HS2ST1: variants seen among roughly 807,000 people sequenced by gnomAD.
HS2ST1 encodes 2-O-sulfotransferase.
In HS2ST1, 18 loss-of-function variants were observed where a neutral mutation model predicts 42.9. The ratio of observed to expected loss-of-function variants is 0.42; its 90% CI spans 0.29 to 0.62. The LOEUF is 0.62. Ranked by LOEUF, HS2ST1 falls within the 20% of genes least tolerant of loss-of-function variation. HS2ST1 has a pLI of 0.21. For missense variants in HS2ST1, 334 were observed against 433.8 expected (o/e 0.77, Z 2.04); for synonymous variants, 146 against 152.9 (o/e 0.95, Z 0.33).
At chr1:86,985,819 G>GA (rs1247049040) in intron 1 of HS2ST1, among the ~76,000 whole-genome samples, 2 of 151,936 alleles carry the variant, frequency 1.3e-5, no homozygotes, top group Non-Finnish European at 2.9e-5. Context: ...CCCCCTTACT[G>GA]TACCTTAATT....
chr1:87,001,260 AAC>A (rs1311263548), intron 1 of HS2ST1, among the ~76,000 whole-genome samples: 1 of 152,146 alleles, frequency 6.6e-6, no homozygotes, highest in Non-Finnish European at 1.5e-5. Flanking sequence ...TATCTTTTTG[AAC>A]CAAGTTCCTA....
Position 87,107,865 on chromosome 1 carries a change from G to T in HS2ST1, c.*3169G>T, listed in dbSNP as rs182580027. On this transcript the variant is annotated 3_prime_UTR_variant, in exon 7 of 7. Coordinates refer to ENST00000370550, the MANE Select transcript of HS2ST1 (RefSeq NM_012262.4). ...TAGCAACACTTAAGATATTGCATGG[G>T]GATTACTTTCCTATCATCCATATGC... 1.3e-4 allele frequency: 19 copies of T among 151,806 alleles called. No homozygotes were observed. Among genetic ancestry groups the T allele is most frequent in the Non-Finnish European group, 2.7e-4 (18 of 67,884 alleles). The allele number at this position is 151,806 out of a possible 1,614,324, so 9.4% of individuals were successfully genotyped here. A position where few individuals can be genotyped will look rare whatever the true frequency, so the allele number is the denominator to read the frequency against.
chr1:86,965,233 T>A (rs879367199), intron 1 of HS2ST1, among the ~76,000 whole-genome samples: 1 of 152,090 alleles, frequency 6.6e-6, no homozygotes, highest in Admixed American at 6.5e-5. Flanking sequence ...TGGCTCTCTC[T>A]TGTTCCTTCA....
intron 1 of HS2ST1, among the ~76,000 whole-genome samples, chr1:87,048,323 A>T (rs1650743291): frequency 1.3e-5 from 2 of 152,186 alleles, no homozygotes; most frequent in Non-Finnish European, 1.5e-5. Context: ...CTACGCATTC[A>T]GTCATGCTGT....
intron 1 of HS2ST1, among the ~76,000 whole-genome samples, chr1:87,032,353 T>C (rs1295264881): frequency 6.6e-6 from 1 of 152,184 alleles, no homozygotes; most frequent in Non-Finnish European, 1.5e-5. Flanking sequence ...ATTTTGGATA[T>C]GTGTTTGTGT....
intron 1 of HS2ST1, among the ~76,000 whole-genome samples, chr1:86,916,532 T>A (rs1660161822): frequency 6.6e-6 from 1 of 152,184 alleles, no homozygotes; most frequent in Admixed American, 6.5e-5. Flanking sequence ...GAAGTGCAAC[T>A]AAAGTTGGAG....
intron 1 of HS2ST1, among the ~76,000 whole-genome samples, chr1:87,020,907 T>TA (rs1649926067): frequency 6.6e-6 from 1 of 152,198 alleles, no homozygotes; most frequent in South Asian, 2.1e-4. Context: ...AGCCCTCATC[T>TA]AAATGAACCA....
intron 1 of HS2ST1, among the ~76,000 whole-genome samples, chr1:87,070,744 A>G (rs2100632726): frequency 6.6e-6 from 1 of 152,224 alleles, no homozygotes; most frequent in Non-Finnish European, 1.5e-5. Flanking sequence ...ATAGTATGGT[A>G]TGTGCTTCTT....
intron 1 of HS2ST1, among the ~76,000 whole-genome samples, chr1:87,010,756 CTGTTTTGTTTTGTTTTGTTTTGTTT>C (rs56184842): frequency 0.017 from 2,565 of 149,680 alleles, 74 homozygotes; most frequent in African/African-American, 0.058. Flanking sequence ...ATAGATTTTA[CTGTTTTGTTTTGTTTTGTTTTGTTT>C]TGTTTTGTTT....
chr1:87,007,054 C>A (rs936755639), intron 1 of HS2ST1, among the ~76,000 whole-genome samples: 9 of 151,942 alleles, frequency 5.9e-5, no homozygotes, highest in Non-Finnish European at 1.2e-4. Flanking sequence ...TTTTTTCTTA[C>A]AATAGCATAA....
chr1:87,068,047 G>A (rs576384351), intron 1 of HS2ST1, among the ~76,000 whole-genome samples: 4 of 152,144 alleles, frequency 2.6e-5, no homozygotes, highest in Admixed American at 1.3e-4. Context: ...TTGGCTATGC[G>A]GGGTCTTTTT....
chr1:86,942,616 T>G (rs1378843486), intron 1 of HS2ST1, among the ~76,000 whole-genome samples: 2 of 152,178 alleles, frequency 1.3e-5, no homozygotes, highest in Non-Finnish European at 2.9e-5. Flanking sequence ...TGGGGGGTAC[T>G]TTTTCTGCAG....
chr1:86,937,827 T>A (rs1660687840), intron 1 of HS2ST1, among the ~76,000 whole-genome samples: 2 of 152,136 alleles, frequency 1.3e-5, no homozygotes, highest in Admixed American at 1.3e-4. Flanking sequence ...TCTTCTGCAT[T>A]GGCATTCGTT....
At chr1:86,942,394 A>G (rs530932221) in intron 1 of HS2ST1, among the ~76,000 whole-genome samples, 34 of 152,348 alleles carry the variant, frequency 2.2e-4, no homozygotes, top group African/African-American at 7.9e-4. Flanking sequence ...GTGCAGTTAA[A>G]ATAGGCTATC....
Position 87,073,061 on chromosome 1 carries a change from G to A in HS2ST1, c.252G>A (p.Thr84=), listed in dbSNP as rs76107418. 21,662 of 1,613,972 alleles carry A rather than the reference G, an allele frequency of 0.013. 207 individuals are homozygous for A. The highest frequency in any genetic ancestry group is 0.026 in the South Asian group (2,348 of 91,078). ...TCATTTATAACAGAGTTCCCAAAAC[G>A]GCAAGCACTTCATTTACCAATATCG... ...MVIIYNRVPK[T]ASTSFTNIAY... is the part of the protein sequence containing the mutation. The change falls in exon 2 of 7, where the codon ACG becomes ACA. Residue 84 remains threonine, a synonymous_variant. Coordinates refer to ENST00000370550, the MANE Select transcript of HS2ST1 (RefSeq NM_012262.4).
rs372164904 is a variant in HS2ST1 at position 86,993,123 on chromosome 1, G to A, written c.124+77963G>A. On this transcript the variant is annotated intron_variant, in intron 1 of 6. Transcript: ENST00000370550. ...TCATTCATCTCGAAGTATTCAGTAT[G>A]CCAGGTACTGTATTTTGGGGTAGCA... 1.9e-4 allele frequency: 310 copies of A among 1,601,414 alleles called. 2 individuals carry two copies. In the East Asian group the frequency reaches 5.5e-3, roughly 29 times the overall value.
intron 1 of HS2ST1, among the ~76,000 whole-genome samples, chr1:87,050,933 G>T (rs1428975342): frequency 6.6e-6 from 1 of 152,120 alleles, no homozygotes; most frequent in African/African-American, 2.4e-5. Flanking sequence ...TGGAGCTTTA[G>T]CTTTGACTGT....
intron 3 of HS2ST1, among the ~76,000 whole-genome samples, chr1:87,090,896 C>T (rs997819633): frequency 5.3e-5 from 8 of 151,966 alleles, no homozygotes; most frequent in Non-Finnish European, 1.2e-4. Context: ...TTCCAGAACA[C>T]TTTCTCACAG....
At chr1:86,942,151 G>A (rs1454628761) in intron 1 of HS2ST1, among the ~76,000 whole-genome samples, 1 of 152,186 alleles carries the variant, frequency 6.6e-6, no homozygotes. Context: ...ATTCTACTTT[G>A]TTAAAATCTA....
Sources: gnomAD v4.1 joint callset for allele counts (sites outside exome capture counted in the v4.1 genomes callset) on GRCh38, gnomAD v4.1.1 for gene constraint, MANE v1.5 for transcripts, NCBI Gene and HGNC (gene_info 2026-07-23, HGNC 2026-07-21) for gene names.